The following CLIC6 variants were observed in gnomAD, a reference collection of about 807,000 sequenced individuals.
The protein encoded by CLIC6 is chloride intracellular channel protein 6.
CLIC6 carries 39 observed loss-of-function variants against 49.2 expected under a neutral mutation model. The observed-to-expected ratio is 0.79, with a 90% CI of 0.61 to 1.04. CLIC6 has a LOEUF of 1.04. Ranked by LOEUF, CLIC6 falls within the 50% of genes least tolerant of loss-of-function variation. The probability of loss-of-function intolerance (pLI) is 0.00; values close to 1 mark genes in which losing one functional copy is unlikely to be tolerated. For missense variants in CLIC6, 988 were observed against 993.1 expected (o/e 0.99, Z 0.07); for synonymous variants, 446 against 433.4 (o/e 1.03, Z -0.36).
Position 34,712,586 on chromosome 21 carries a change from T to G in CLIC6, c.1899+3048T>G, listed in dbSNP as rs141619126. Among the ~76,000 whole-genome samples the G allele has an allele frequency of 5.9e-5, 9 of 152,132 alleles. No homozygotes were observed. The East Asian group carries it at 1.7e-3, about 29-fold the overall frequency. ...TATAGAGACCCTTGTTGAGCTGAGA[T>G]CTCTAGGGAGGCAGAATTGAAGGAG... On this transcript the variant is annotated intron_variant, in intron 5 of 5. Coordinates refer to ENST00000349499, the MANE Select transcript of CLIC6 (RefSeq NM_053277.3).
At chr21:34,710,949 G>A (rs1200429173) in intron 5 of CLIC6, among the ~76,000 whole-genome samples, 1 of 152,210 alleles carries the variant, frequency 6.6e-6, no homozygotes, top group Non-Finnish European at 1.5e-5. Flanking sequence ...CCCACACTCG[G>A]ACTCTGTAGC....
In CLIC6 at chr21:34,716,977, T is replaced by C. The variant is rs927487909; in HGVS notation, c.*495T>C. ...GGACCTCTTGGTGATTCCTGGATGA[T>C]CATACACAGAGGACTTACACCATAC... On this transcript the variant is annotated 3_prime_UTR_variant, in exon 6 of 6. Coordinates refer to ENST00000349499, the MANE Select transcript of CLIC6 (RefSeq NM_053277.3). The C allele has an allele frequency of 5.2e-5, 8 of 152,844 alleles. No individual in the cohort carries two copies. The highest frequency in any genetic ancestry group is 1.7e-4 in the African/African-American group (7 of 41,292). 9.5% of individuals were successfully genotyped at this position (152,844 alleles called of 1,614,324 possible). A position where few individuals can be genotyped will look rare whatever the true frequency, so the allele number is the denominator to read the frequency against.
intron 5 of CLIC6, among the ~76,000 whole-genome samples, chr21:34,711,277 A>G (rs946237884): frequency 6.6e-6 from 1 of 152,186 alleles, no homozygotes; most frequent in Non-Finnish European, 1.5e-5. Context: ...CATGCCTGTA[A>G]TCCCAGCACT....
intron 1 of CLIC6, among the ~76,000 whole-genome samples, chr21:34,701,475 T>C (rs1990190045): frequency 6.6e-6 from 1 of 152,162 alleles, no homozygotes; most frequent in Non-Finnish European, 1.5e-5. Flanking sequence ...TTGATGATGA[T>C]AATGACAATA....
rs961994774 is a variant in CLIC6 at position 34,700,752 on chromosome 21, G to A, written c.1375-6528G>A. On this transcript the variant is annotated intron_variant, in intron 1 of 5. Transcript: ENST00000349499. ...TTCTTAACACCGACCCCAACAGTCA[G>A]AAGGGACCTTAGCCTTTTCACCGCT... Among the ~76,000 whole-genome samples the A allele has an allele frequency of 6.4e-5, 9 of 139,632 alleles. 1 individual carries two copies. Among genetic ancestry groups the A allele is most frequent in the Non-Finnish European group, 1.2e-4 (8 of 64,576 alleles). The allele number at this position is 139,632 out of a possible 152,430, so 91.6% of individuals were successfully genotyped here.
chr21:34,686,723 C>G (rs1989887064), intron 1 of CLIC6, among the ~76,000 whole-genome samples: 1 of 152,106 alleles, frequency 6.6e-6, no homozygotes, highest in South Asian at 2.1e-4. Flanking sequence ...CTAGCTGAGC[C>G]CAGCCTTCCA....
At chr21:34,709,126 G>A (rs2056037891) in intron 4 of CLIC6, among the ~76,000 whole-genome samples, 1 of 152,168 alleles carries the variant, frequency 6.6e-6, no homozygotes, top group Admixed American at 6.5e-5. Context: ...AAGTATTTTT[G>A]AATAAATAAA....
chr21:34,696,669 T>C (rs1990094627), intron 1 of CLIC6, among the ~76,000 whole-genome samples: 5 of 152,252 alleles, frequency 3.3e-5, no homozygotes, highest in Admixed American at 3.3e-4. Context: ...CTCAGAACCA[T>C]GAGTAGTACA....
intron 1 of CLIC6, among the ~76,000 whole-genome samples, chr21:34,673,540 C>T (rs1222561643): frequency 6.6e-6 from 1 of 152,192 alleles, no homozygotes; most frequent in Non-Finnish European, 1.5e-5. Flanking sequence ...ATCCACCCAC[C>T]GTGGCCTCCC....
chr21:34,684,163 T>C (rs1227517599), intron 1 of CLIC6, among the ~76,000 whole-genome samples: 3 of 152,186 alleles, frequency 2.0e-5, no homozygotes, highest in African/African-American at 7.2e-5. Context: ...TATTTATTGA[T>C]TACCTGCCAA....
intron 2 of CLIC6, among the ~76,000 whole-genome samples, chr21:34,707,722 C>T (rs975181291): frequency 2.6e-5 from 4 of 152,136 alleles, no homozygotes; most frequent in African/African-American, 7.2e-5. Flanking sequence ...GTTGATATGC[C>T]CCTTTGTGCT....
At chr21:34,707,229 A>G (rs769045632) in intron 1 of CLIC6, 51 bp from the exon 2 acceptor site, 6 of 1,338,808 alleles carry the variant, frequency 4.5e-6, no homozygotes, top group Admixed American at 3.4e-5. Flanking sequence ...TGGTGTTGGC[A>G]CTTATAATTG....
intron 1 of CLIC6, among the ~76,000 whole-genome samples, chr21:34,675,740 C>T (rs1989656337): frequency 6.6e-6 from 1 of 152,184 alleles, no homozygotes; most frequent in South Asian, 2.1e-4. Flanking sequence ...TCTCGGTTCT[C>T]ACCACCTGCC....
chr21:34,709,634 T>A (rs1430671024), intron 5 of CLIC6, 96 bp downstream of exon 5: 5 of 1,102,374 alleles, frequency 4.5e-6, no homozygotes, highest in Non-Finnish European at 6.5e-6. Flanking sequence ...TTAAACAGTC[T>A]GAAATGTGGA....
intron 1 of CLIC6, among the ~76,000 whole-genome samples, chr21:34,700,547 C>A (rs1990170893): frequency 7.1e-6 from 1 of 140,518 alleles, no homozygotes; most frequent in Admixed American, 6.9e-5. Flanking sequence ...ACCTCACTAC[C>A]TGCCTAAATA....
chr21:34,687,960 C>T (rs769258787), intron 1 of CLIC6, among the ~76,000 whole-genome samples: 4 of 152,088 alleles, frequency 2.6e-5, no homozygotes, highest in Admixed American at 6.5e-5. Flanking sequence ...TTACAGACAA[C>T]GAGCATTGGG....
intron 1 of CLIC6, among the ~76,000 whole-genome samples, chr21:34,677,656 G>A (rs1730988809): frequency 6.6e-6 from 1 of 152,118 alleles, no homozygotes; most frequent in African/African-American, 2.4e-5. Context: ...CTAAAGGGAA[G>A]GGTCAGGATT....
At chr21:34,684,425 CCTGT>C (rs1195246569) in intron 1 of CLIC6, among the ~76,000 whole-genome samples, 1 of 152,198 alleles carries the variant, frequency 6.6e-6, no homozygotes, top group African/African-American at 2.4e-5. Context: ...CTGCCATGTG[CCTGT>C]CTATTTGGAA....
chr21:34,712,083 A>T (rs538559158), intron 5 of CLIC6, among the ~76,000 whole-genome samples: 1 of 152,196 alleles, frequency 6.6e-6, no homozygotes, highest in African/African-American at 2.4e-5. Context: ...TTTAAATTTC[A>T]GTAGAAAGGG....
Sources: gnomAD v4.1 joint callset for allele counts (sites outside exome capture counted in the v4.1 genomes callset) on GRCh38, gnomAD v4.1.1 for gene constraint, MANE v1.5 for transcripts, NCBI Gene and HGNC (gene_info 2026-07-23, HGNC 2026-07-21) for gene names.